The following PAAF1 variants were observed in gnomAD, a reference collection of about 807,000 sequenced individuals.
PAAF1 encodes the protein proteasomal ATPase associated factor 1, also known as proteasomal ATPase-associated factor 1.
Under a neutral mutation model 52.8 loss-of-function variants are expected in PAAF1, and 46 were observed. The ratio of observed to expected loss-of-function variants is 0.87; its 90% CI spans 0.69 to 1.11. The LOEUF is 1.11. Among genes scored for constraint, PAAF1 ranks in the 50% most tolerant of loss-of-function variants. The pLI is 0.00. For synonymous variants in PAAF1, 178 were observed against 172.8 expected (o/e 1.03, Z -0.24); for missense variants, 424 against 477.4 (o/e 0.89, Z 1.04).
chr11:73,906,024 T>A (rs1949743555), intron 6 of PAAF1, among the ~76,000 whole-genome samples: 1 of 152,202 alleles, frequency 6.6e-6, no homozygotes, highest in Non-Finnish European at 1.5e-5. Context: ...GCTGAATGTA[T>A]TATGGAGTTG....
intron 7 of PAAF1, among the ~76,000 whole-genome samples, chr11:73,913,761 G>A (rs1670553): frequency 0.072 from 11,010 of 152,062 alleles, 588 homozygotes; most frequent in African/African-American, 0.15. Flanking sequence ...GAAATATTTG[G>A]TGAGTAAATG....
chr11:73,916,546 T>C lies in PAAF1; in HGVS notation c.821T>C (p.Val274Ala). ...TTTTTGCCTCCTACTTGTTCCCAGGTGTTCCTCTTTATTGGCTCAGACGCT... is the reference window on the plus strand; with the variant it reads ...TTTTTGCCTCCTACTTGTTCCCAGGCGTTCCTCTTTATTGGCTCAGACGCT... ...QCLGLQSRQL[V>A]FLFIGSDAFN... is the part of the protein sequence containing the mutation. The change falls in exon 9 of 12, where the codon GTG (valine) becomes GCG (alanine). Residue 274 changes from valine (V) to alanine (A), a missense_variant and splice_region_variant. Coordinates refer to ENST00000310571, the MANE Select transcript of PAAF1 (RefSeq NM_025155.3). 1.9e-6 allele frequency: 3 copies of C among 1,608,412 alleles called. No individual in the cohort carries two copies. Among genetic ancestry groups the C allele is most frequent in the South Asian group, 1.1e-5 (1 of 90,194 alleles).
chr11:73,910,989 C>CAAAAA (rs59523527), intron 7 of PAAF1, among the ~76,000 whole-genome samples: 3 of 69,474 alleles, frequency 4.3e-5, no homozygotes, highest in Admixed American at 1.7e-4. Context: ...GACTCTGTCT[C>CAAAAA]AAAAAAAAAA....
At position 73,900,354 on chromosome 11, in the gene PAAF1, G is replaced by T. The variant is rs1235977777; in HGVS notation, c.466G>T (p.Ala156Ser). 1.9e-6 allele frequency: 3 copies of T among 1,612,726 alleles called. No individual in the cohort carries two copies. The highest frequency in any genetic ancestry group is 1.7e-6 in the Non-Finnish European group (2 of 1,179,114). Reference sequence around the variant, plus strand: ...TGTGGTCCTGAGTGGGGGAATGGATGCCCAGCTGAAGATATGGTCAGCTGA... The same window carrying T: ...TGTGGTCCTGAGTGGGGGAATGGATTCCCAGCTGAAGATATGGTCAGCTGA... ...GLVVLSGGMD[A>S]QLKIWSAEDA... The change falls in exon 6 of 12, where the codon GCC (alanine) becomes TCC (serine). Residue 156 changes from alanine (A) to serine (S), a missense_variant. Physicochemically the swap from Ala to Ser is moderately conservative, Grantham distance 99 (BLOSUM62 1). Coordinates refer to ENST00000310571, the MANE Select transcript of PAAF1 (RefSeq NM_025155.3).
intron 6 of PAAF1, among the ~76,000 whole-genome samples, chr11:73,906,608 G>A (rs1247218286): frequency 6.6e-6 from 1 of 152,094 alleles, no homozygotes; most frequent in Non-Finnish European, 1.5e-5. Flanking sequence ...ATAGTGATTA[G>A]GTCCCACCTG....
In PAAF1 at chr11:73,909,463, A is replaced by G; in HGVS notation, c.597A>G (p.Thr199=). 6.2e-7 allele frequency: 1 copy of G among 1,614,178 alleles called. No individual in the cohort carries two copies. Among genetic ancestry groups the G allele is most frequent in the Non-Finnish European group, 8.5e-7 (1 of 1,180,028 alleles). ...TGGTGTCTGCTTCTCGAGATGGGAC[A>G]GCACGACTTTGGGATTGTGGGCGCT... ...RNVVSASRDG[T]ARLWDCGRSA... Residue 199 remains threonine, a synonymous_variant, in exon 7 of 12, where the codon ACA becomes ACG. Coordinates refer to ENST00000310571, the MANE Select transcript of PAAF1 (RefSeq NM_025155.3).
chr11:73,883,172 T>G (rs1240383803), intron 2 of PAAF1, among the ~76,000 whole-genome samples: 1 of 152,032 alleles, frequency 6.6e-6, no homozygotes, highest in Non-Finnish European at 1.5e-5. Context: ...GTTTCCCAGG[T>G]GCTGAATTTG....
chr11:73,902,535 T>C (rs1053518815), intron 6 of PAAF1, among the ~76,000 whole-genome samples: 1 of 152,168 alleles, frequency 6.6e-6, no homozygotes, highest in African/African-American at 2.4e-5. Context: ...ATTAACAAGA[T>C]GCATATTCAA....
At position 73,925,351 on chromosome 11, in the gene PAAF1, A is replaced by G. The variant is rs1565155812; in HGVS notation, c.1101+654A>G. Among the ~76,000 whole-genome samples, 7 of 151,116 alleles carry G rather than the reference A, an allele frequency of 4.6e-5. No homozygotes were observed. The Admixed American group carries it at 4.6e-4, about 10-fold the overall frequency. ...GGCACACACACCTGTAGTCCCAGCT[A>G]CTCATTTGGGAGGCCAAGATGGGAC... On this transcript the variant is annotated intron_variant, in intron 11 of 11. Coordinates refer to ENST00000310571, the MANE Select transcript of PAAF1 (RefSeq NM_025155.3).
intron 6 of PAAF1, among the ~76,000 whole-genome samples, chr11:73,901,027 A>G (rs1949594963): frequency 6.7e-6 from 1 of 150,348 alleles, no homozygotes; most frequent in South Asian, 2.1e-4. Context: ...TGTTTTCTAC[A>G]ATTGATAAAG....
At chr11:73,899,050 C>G in intron 4 of PAAF1, 96 bp from the exon 5 acceptor site, 12 of 956,728 alleles carry the variant, frequency 1.3e-5, no homozygotes, top group Non-Finnish European at 1.9e-5. Context: ...TTCAGGAAGT[C>G]TTGGAAGAGT....
At chr11:73,897,349 G>T (rs1434376210) in intron 4 of PAAF1, among the ~76,000 whole-genome samples, 1 of 151,530 alleles carries the variant, frequency 6.6e-6, no homozygotes, top group Non-Finnish European at 1.5e-5. Flanking sequence ...CTTCCCAGAC[G>T]GGGTGGCTGC....
intron 10 of PAAF1, among the ~76,000 whole-genome samples, chr11:73,919,831 G>A (rs1041518398): frequency 6.6e-6 from 1 of 152,100 alleles, no homozygotes; most frequent in African/African-American, 2.4e-5. Flanking sequence ...AGGATGTTTT[G>A]GGCTGTTATT....
At chr11:73,892,773 C>T (rs1195323855) in intron 4 of PAAF1, among the ~76,000 whole-genome samples, 2 of 152,200 alleles carry the variant, frequency 1.3e-5, no homozygotes, top group Non-Finnish European at 2.9e-5. Flanking sequence ...CATTCTCTGC[C>T]TCAGCCTCCC....
At chr11:73,907,095 A>C (rs1192216713) in intron 6 of PAAF1, among the ~76,000 whole-genome samples, 1 of 143,516 alleles carries the variant, frequency 7.0e-6, no homozygotes, top group African/African-American at 2.6e-5. Context: ...TTTTTTTTCC[A>C]TTGTAAGTCT....
intron 9 of PAAF1, 52 bp from the exon 10 acceptor site, chr11:73,918,898 A>G: frequency 7.3e-7 from 1 of 1,361,644 alleles, no homozygotes; most frequent in Non-Finnish European, 1.0e-6. Context: ...AATATAGTCA[A>G]GTATTGCTTT....
intron 1 of PAAF1, among the ~76,000 whole-genome samples, chr11:73,878,426 A>C (rs972655164): frequency 6.6e-6 from 1 of 152,230 alleles, no homozygotes; most frequent in East Asian, 1.9e-4. Flanking sequence ...TTGTTTGGTT[A>C]TTGTGAGGGT....
At chr11:73,923,140 A>T (rs1249072706) in intron 10 of PAAF1, among the ~76,000 whole-genome samples, 1 of 152,114 alleles carries the variant, frequency 6.6e-6, no homozygotes, top group Non-Finnish European at 1.5e-5. Flanking sequence ...TCTCTAAAAG[A>T]CAAGGATTCA....
In PAAF1 at chr11:73,884,511, C is replaced by CAT. The variant is rs778402095; in HGVS notation, c.89-2835_89-2834dup. Among the ~76,000 whole-genome samples the CAT allele has an allele frequency of 5.9e-5, 9 of 151,930 alleles. No homozygotes were observed. The South Asian group carries it at 6.2e-4, about 11-fold the overall frequency. On this transcript the variant is annotated intron_variant, in intron 2 of 11. Transcript: ENST00000310571. ...CCCTGTCTCAAATATTAAAAAAATA[C>CAT]ATATATATACATCCACAAATGTGGA...
Sources: allele counts gnomAD v4.1 joint callset (sites outside exome capture counted in the v4.1 genomes callset), GRCh38; gene constraint gnomAD v4.1.1; transcripts MANE v1.5; gene names NCBI Gene and HGNC (gene_info 2026-07-23, HGNC 2026-07-21).